The following GBE1 variants were observed in gnomAD, a reference collection of about 807,000 sequenced individuals.
The protein encoded by GBE1 is 1,4-alpha-glucan branching enzyme 1.
GBE1 carries 70 observed loss-of-function variants against 88.8 expected under a neutral mutation model. That is an observed-to-expected ratio of 0.79 (90% CI 0.65 to 0.96). The LOEUF is 0.96. Among genes scored for constraint, GBE1 ranks in the 40% least tolerant of loss-of-function variants. GBE1 has a pLI of 0.00. For missense variants in GBE1, 872 were observed against 871.0 expected (o/e 1.00, Z -0.01); for synonymous variants, 284 against 300.1 (o/e 0.95, Z 0.56).
intron 12 of GBE1, among the ~76,000 whole-genome samples, chr3:81,569,510 T>A (rs1459177166): frequency 6.6e-6 from 1 of 152,212 alleles, no homozygotes; most frequent in African/African-American, 2.4e-5. Flanking sequence ...GAGCTTGACC[T>A]GTGAGTTGCT....
At chr3:81,713,868 C>G (rs931501230) in intron 1 of GBE1, among the ~76,000 whole-genome samples, 5 of 152,032 alleles carry the variant, frequency 3.3e-5, no homozygotes, top group Non-Finnish European at 2.9e-5. Flanking sequence ...ATAGTGAAAT[C>G]CATCTATTTA....
Position 81,581,305 on chromosome 3 carries a change from G to A in GBE1, c.1336-30C>T, listed in dbSNP as rs367994113. The A allele has an allele frequency of 1.9e-5, 23 of 1,183,270 alleles. No homozygotes were observed. In the East Asian group the frequency reaches 2.9e-4, roughly 15 times the overall value. The allele number at this position is 1,183,270 out of a possible 1,614,324, so 73.3% of individuals were successfully genotyped here. On this transcript the variant is annotated intron_variant, in intron 10 of 15. Transcript: ENST00000429644. Reference sequence around the variant, plus strand: ...ACACAAGAGAGAAAAATAAGCTTCTGAGTAAAGCATTATTTTTCTTATTTT... The same window carrying A: ...ACACAAGAGAGAAAAATAAGCTTCTAAGTAAAGCATTATTTTTCTTATTTT...
At chr3:81,720,001 C>T (rs1576212392) in intron 1 of GBE1, among the ~76,000 whole-genome samples, 1 of 152,022 alleles carries the variant, frequency 6.6e-6, no homozygotes, top group East Asian at 1.9e-4. Context: ...GCATAGGACA[C>T]ACTACATTAA....
At chr3:81,617,158 C>A (rs950655150) in intron 7 of GBE1, among the ~76,000 whole-genome samples, 9 of 151,774 alleles carry the variant, frequency 5.9e-5, no homozygotes, top group Middle Eastern at 6.3e-3. Flanking sequence ...ATCATGTCAA[C>A]CACAAAGAGA....
intron 14 of GBE1, among the ~76,000 whole-genome samples, chr3:81,519,761 T>A (rs1702847884): frequency 6.6e-6 from 1 of 151,444 alleles, no homozygotes. Flanking sequence ...TTTCTTCTTG[T>A]GGAAGATGGC....
intron 14 of GBE1, among the ~76,000 whole-genome samples, chr3:81,526,456 G>A (rs556141642): frequency 6.6e-6 from 1 of 152,068 alleles, no homozygotes; most frequent in Non-Finnish European, 1.5e-5. Flanking sequence ...TGACATGATT[G>A]TATATCTAGA....
chr3:81,725,848 A>G (rs1161033486), intron 1 of GBE1, among the ~76,000 whole-genome samples: 3 of 152,204 alleles, frequency 2.0e-5, no homozygotes, highest in Non-Finnish European at 2.9e-5. Flanking sequence ...AACTGCATAT[A>G]GAAGATTCTA....
intron 7 of GBE1, among the ~76,000 whole-genome samples, chr3:81,639,055 A>G (rs1335224584): frequency 6.6e-6 from 1 of 152,190 alleles, no homozygotes; most frequent in Non-Finnish European, 1.5e-5. Context: ...AAGGGGTGGA[A>G]AAATTTGTAT....
At chr3:81,723,267 T>G (rs1382557444) in intron 1 of GBE1, among the ~76,000 whole-genome samples, 1 of 151,492 alleles carries the variant, frequency 6.6e-6, no homozygotes, top group African/African-American at 2.4e-5. Context: ...TTTTGTTTTT[T>G]TTTTTTTGTA....
At chr3:81,683,103 A>T (rs1705375020) in intron 2 of GBE1, among the ~76,000 whole-genome samples, 1 of 152,228 alleles carries the variant, frequency 6.6e-6, no homozygotes, top group African/African-American at 2.4e-5. Context: ...GTAGGATGAT[A>T]GCTAAAGGGT....
intron 12 of GBE1, among the ~76,000 whole-genome samples, chr3:81,576,393 C>T (rs185355528): frequency 1.3e-5 from 2 of 152,150 alleles, no homozygotes; most frequent in Admixed American, 6.5e-5. Context: ...TAAGGATTTC[C>T]TTCTGTAGAT....
chr3:81,577,807 A>G (rs1703668731), intron 12 of GBE1, 118 bp downstream of exon 12: 1 of 752,166 alleles, frequency 1.3e-6, no homozygotes, highest in Non-Finnish European at 2.1e-6. Flanking sequence ...TATGAAATAA[A>G]TAGTTGTAAT....
chr3:81,639,935 G>A (rs1704646668), intron 7 of GBE1, among the ~76,000 whole-genome samples: 2 of 152,094 alleles, frequency 1.3e-5, no homozygotes, highest in African/African-American at 4.8e-5. Flanking sequence ...CCACACTGAG[G>A]TATACCCAAA....
intron 12 of GBE1, among the ~76,000 whole-genome samples, chr3:81,557,896 G>A (rs990560505): frequency 1.3e-5 from 2 of 151,952 alleles, no homozygotes; most frequent in Non-Finnish European, 2.9e-5. Context: ...AGAACCTGAG[G>A]AGTCAAACTG....
intron 12 of GBE1, among the ~76,000 whole-genome samples, chr3:81,574,145 A>C (rs1703613004): frequency 6.6e-6 from 1 of 152,184 alleles, no homozygotes; most frequent in African/African-American, 2.4e-5. Flanking sequence ...AAATCACTAC[A>C]TTTACTGATA....
chr3:81,736,736 C>T (rs1472306944), intron 1 of GBE1, among the ~76,000 whole-genome samples: 16 of 152,264 alleles, frequency 1.1e-4, no homozygotes, highest in Admixed American at 1.0e-3. Context: ...TATCTGGCAA[C>T]CTCTCAAATC....
rs1176113239 is a variant in GBE1, at chr3:81,498,762, AAAC to A, written c.2052+345_2052+347del. Among the ~76,000 whole-genome samples the A allele has an allele frequency of 2.0e-5, 3 of 152,348 alleles. No individual in the cohort carries two copies. The East Asian group carries it at 5.8e-4, about 29-fold the overall frequency. ...TGCTTAATATAAAATGTTATGGAGA[AAAC>A]AAGAACAGAAGGAAAGTGAAATGTT... is the stretch of plus-strand genomic sequence containing the variant. On this transcript the variant is annotated intron_variant, in intron 15 of 15. Coordinates refer to ENST00000429644, the MANE Select transcript of GBE1 (RefSeq NM_000158.4).
chr3:81,697,112 T>C (rs958130561), intron 2 of GBE1, among the ~76,000 whole-genome samples: 1 of 152,164 alleles, frequency 6.6e-6, no homozygotes, highest in Non-Finnish European at 1.5e-5. Context: ...CAGTCACAAG[T>C]CTGGGCCTCC....
intron 3 of GBE1, among the ~76,000 whole-genome samples, chr3:81,653,185 C>G (rs1257923317): frequency 6.6e-6 from 1 of 152,000 alleles, no homozygotes; most frequent in Non-Finnish European, 1.5e-5. Flanking sequence ...AATTCCAGGT[C>G]AGGCACAGTG....
Sources: gnomAD v4.1 joint callset for allele counts (sites outside exome capture counted in the v4.1 genomes callset) on GRCh38, gnomAD v4.1.1 for gene constraint, MANE v1.5 for transcripts, NCBI Gene and HGNC (gene_info 2026-07-23, HGNC 2026-07-21) for gene names.